Variants in EML5 observed in about 807,000 individuals in gnomAD.
EML5 encodes EMAP like 5, also known as echinoderm microtubule-associated protein-like 5.
Under a neutral mutation model 250.0 loss-of-function variants are expected in EML5, and 120 were observed. That is an observed-to-expected ratio of 0.48 (90% CI 0.41 to 0.56). The LOEUF (loss-of-function observed/expected upper bound fraction) is 0.56, where lower values mean the gene tolerates loss of function less well. Ranked by LOEUF, EML5 falls within the 20% of genes least tolerant of loss-of-function variation. The pLI, the probability that EML5 is intolerant of heterozygous loss-of-function variation, is 0.00. For missense variants in EML5, 2,006 were observed against 2,437.6 expected, an observed-to-expected ratio of 0.82 and a Z score of 3.73; for synonymous variants, 771 against 806.5, an observed-to-expected ratio of 0.96 and a Z score of 0.75.
Position 88,749,625 on chromosome 14 carries a change from C to T in EML5, c.358-3342G>A, listed in dbSNP as rs985741640. Among the ~76,000 whole-genome samples, 26 of 151,966 alleles carry T rather than the reference C, an allele frequency of 1.7e-4. 2 individuals are homozygous for T. Among genetic ancestry groups the T allele is most frequent in the East Asian group, 5.8e-4 (3 of 5,198 alleles). On this transcript the variant is annotated intron_variant, in intron 2 of 43. Transcript: ENST00000554922. ...TATTAATAAATAAATGACGATAGCA[C>T]CATAAACAGAAGAAAGGAAACAGCA... is the stretch of plus-strand genomic sequence containing the variant.
intron 7 of EML5, among the ~76,000 whole-genome samples, chr14:88,732,374 G>A (rs1251775258): frequency 6.6e-6 from 1 of 152,170 alleles, no homozygotes; most frequent in African/African-American, 2.4e-5. Context: ...TCAGACGGTT[G>A]TAGATGTGTG....
rs776883953 is a variant in EML5 at position 88,696,874 on chromosome 14, A to G, written c.2317T>C (p.Tyr773His). Residue 773 changes from tyrosine to histidine, a missense_variant, in exon 15 of 44, where the codon TAT becomes CAT. Physicochemically the swap from Tyr to His is moderately conservative, Grantham distance 83. This residue lies in a region of EML5 where 1,375 missense variants were observed against 1,590.3 expected (regional missense o/e 0.86). Transcript: ENST00000554922. ...GAGAAATCAACGGCACTAACACCAT[A>G]CTGGTGGTGGCCCTTTAATATGGAC... is the stretch of plus-strand genomic sequence containing the variant. ...PLSILKGHHQYGVSAVDFSAD... is the reference protein window; with the variant it reads ...PLSILKGHHQHGVSAVDFSAD... 2 of 1,608,784 alleles carry G rather than the reference A, an allele frequency of 1.2e-6. No homozygotes were observed. Among genetic ancestry groups the G allele is most frequent in the East Asian group, 2.2e-5 (1 of 44,696 alleles).
At chr14:88,642,692 C>A (rs758646108) in intron 31 of EML5, among the ~76,000 whole-genome samples, 51 of 152,212 alleles carry the variant, frequency 3.4e-4, no homozygotes, top group Non-Finnish European at 4.6e-4. Context: ...TCCTTTTCTG[C>A]TGTATTATAC....
At chr14:88,718,544 A>G (rs1335244617) in intron 8 of EML5, among the ~76,000 whole-genome samples, 1 of 152,184 alleles carries the variant, frequency 6.6e-6, no homozygotes, top group Non-Finnish European at 1.5e-5. Context: ...AGAATCAAAT[A>G]CTGCTGGAAA....
chr14:88,738,600 A>G (rs992484419), intron 6 of EML5, among the ~76,000 whole-genome samples: 1 of 152,152 alleles, frequency 6.6e-6, no homozygotes, highest in African/African-American at 2.4e-5. Flanking sequence ...TCAAAATCCA[A>G]AGATACCTAA....
intron 34 of EML5, chr14:88,627,302 C>A: frequency 1.9e-6 from 1 of 516,702 alleles, no homozygotes; most frequent in South Asian, 2.7e-5. Context: ...TATTATCCTG[C>A]TGATCTGCCA....
intron 7 of EML5, among the ~76,000 whole-genome samples, chr14:88,731,496 C>T (rs2140144707): frequency 6.6e-6 from 1 of 152,224 alleles, no homozygotes; most frequent in East Asian, 1.9e-4. Flanking sequence ...GGTTCCAAGT[C>T]TTTGCTATTG....
chr14:88,675,350 C>T (rs1409769532), intron 21 of EML5, among the ~76,000 whole-genome samples: 1 of 152,224 alleles, frequency 6.6e-6, no homozygotes. Context: ...AACCTCAATT[C>T]TTGACTTCTG....
chr14:88,726,970 G>T (rs2093675582), intron 7 of EML5, among the ~76,000 whole-genome samples: 1 of 152,164 alleles, frequency 6.6e-6, no homozygotes, highest in Non-Finnish European at 1.5e-5. Flanking sequence ...GTGGGCTCAA[G>T]CAATCCTCTA....
At chr14:88,635,876 T>C (rs2090695344) in intron 32 of EML5, among the ~76,000 whole-genome samples, 1 of 152,090 alleles carries the variant, frequency 6.6e-6, no homozygotes, top group African/African-American at 2.4e-5. Flanking sequence ...GATAATCTTT[T>C]TTCACCATGT....
At chr14:88,703,462 C>T (rs1053289171) in intron 13 of EML5, among the ~76,000 whole-genome samples, 1 of 152,056 alleles carries the variant, frequency 6.6e-6, no homozygotes, top group Admixed American at 6.6e-5. Flanking sequence ...TATCCTCATC[C>T]AAGACAAAGT....
intron 2 of EML5, among the ~76,000 whole-genome samples, chr14:88,748,788 T>C (rs922962245): frequency 6.6e-6 from 1 of 151,690 alleles, no homozygotes; most frequent in Non-Finnish European, 1.5e-5. Context: ...TTATCTAAAA[T>C]GAAAATTTAC....
intron 1 of EML5, among the ~76,000 whole-genome samples, chr14:88,779,807 G>A (rs1339525585): frequency 6.6e-6 from 1 of 152,188 alleles, no homozygotes; most frequent in African/African-American, 2.4e-5. Context: ...TAAACTTTCA[G>A]TGGATAGAAC....
At chr14:88,630,261 C>T (rs1265063350) in intron 33 of EML5, among the ~76,000 whole-genome samples, 1 of 151,890 alleles carries the variant, frequency 6.6e-6, no homozygotes, top group East Asian at 1.9e-4. Context: ...AACTCCCGGC[C>T]TCAGGTGATC....
chr14:88,622,607 G>C lies in EML5; in HGVS notation c.5010C>G (p.Gly1670=). The C allele has an allele frequency of 6.3e-7, 1 of 1,597,056 alleles. No individual in the cohort carries two copies. Among genetic ancestry groups the C allele is most frequent in the East Asian group, 2.3e-5 (1 of 44,146 alleles). ...ATCAGCTCATGGAACATCTTACTTT[G>C]CCTCTGCACACAGAACGAACACAAT... ...ATDCVRSVCR[G]KGKILVGTRN... is the part of the protein sequence containing the mutation. Residue 1670 remains glycine, a synonymous_variant, in exon 37 of 44, where the codon GGC becomes GGG. Coordinates refer to ENST00000554922, the MANE Select transcript of EML5 (RefSeq NM_183387.3).
intron 9 of EML5, among the ~76,000 whole-genome samples, chr14:88,713,393 A>G (rs1254537497): frequency 1.3e-4 from 3 of 23,676 alleles, no homozygotes; most frequent in African/African-American, 9.4e-4. Flanking sequence ...CTCCGTCTCA[A>G]AAAAAAAAAA....
chr14:88,685,089 G>A lies in EML5; in HGVS notation c.2908C>T (p.His970Tyr). Residue 970 changes from histidine (H) to tyrosine (Y), a missense_variant, in exon 20 of 44, where the codon CAT becomes TAT. His to Tyr is a moderately conservative substitution (Grantham distance 83, BLOSUM62 2). Around this residue, in one of 7 missense-constraint regions of EML5, gnomAD observed 1,375 missense variants for 1,590.3 expected, o/e 0.86. Transcript: ENST00000554922. ...SIRAISLGHGHILVGTKNGEI... is the reference protein window; with the variant it reads ...SIRAISLGHGYILVGTKNGEI... The stretch of plus-strand genomic sequence containing the variant: ...CCATTCTTTGTGCCAACTAAAATAT[G>A]ACCATGTCCTAATGATATGGCACGT... 6.2e-7 allele frequency: 1 copy of A among 1,610,764 alleles called. No individual in the cohort carries two copies. Among genetic ancestry groups the A allele is most frequent in the Non-Finnish European group, 8.5e-7 (1 of 1,178,124 alleles).
intron 10 of EML5, among the ~76,000 whole-genome samples, chr14:88,708,766 T>C (rs991807353): frequency 2.0e-5 from 3 of 152,146 alleles, no homozygotes. Flanking sequence ...ATTTTCTCAG[T>C]TTTAAATGTA....
chr14:88,668,065 A>G (rs1421675945), intron 21 of EML5, among the ~76,000 whole-genome samples: 1 of 152,226 alleles, frequency 6.6e-6, no homozygotes, highest in Non-Finnish European at 1.5e-5. Context: ...ATTTCCAAAC[A>G]GGTCTGAATC....
Sources: allele counts gnomAD v4.1 joint callset (sites outside exome capture counted in the v4.1 genomes callset), GRCh38; gene constraint gnomAD v4.1.1; regional missense constraint gnomAD v4.1.1; transcripts MANE v1.5; gene names NCBI Gene and HGNC (gene_info 2026-07-23, HGNC 2026-07-21).